Variants in PHACTR1 observed in about 807,000 individuals in gnomAD.
PHACTR1 encodes the protein RPEL repeat containing 1.
A neutral mutation model predicts 69.2 loss-of-function variants in PHACTR1; 16 were observed. That is an observed-to-expected ratio of 0.23 (90% CI 0.16 to 0.35). The LOEUF (loss-of-function observed/expected upper bound fraction) is 0.35. Ranked by LOEUF, PHACTR1 falls within the 10% of genes least tolerant of loss-of-function variation. The pLI, the probability that PHACTR1 is intolerant of heterozygous loss-of-function variation, is 1.00. For synonymous variants in PHACTR1, 312 were observed against 284.5 expected, an observed-to-expected ratio of 1.10 and a Z score of -0.97; for missense variants, 510 against 734.7, an observed-to-expected ratio of 0.69 and a Z score of 3.54.
At chr6:12,891,767 A>G (rs1784190105) in intron 4 of PHACTR1, among the ~76,000 whole-genome samples, 1 of 128,100 alleles carries the variant, frequency 7.8e-6, no homozygotes, top group Non-Finnish European at 1.8e-5. Context: ...TTTTACTAAC[A>G]GCCTTACAAG....
rs1554175601 is a variant in PHACTR1, at chr6:12,949,284, A to AAAAG, written c.251-104069_251-104066dup. Among the ~76,000 whole-genome samples the AAAAG allele has an allele frequency of 1.3e-3, 195 of 147,104 alleles. 1 individual carries two copies. The highest frequency in any genetic ancestry group is 3.9e-3 in the African/African-American group (146 of 37,400). On this transcript the variant is annotated intron_variant, in intron 4 of 14. Coordinates refer to ENST00000332995, the MANE Select transcript of PHACTR1 (RefSeq NM_030948.6). ...AACGTCATCTCAAAAAAAAAAAAAA[A>AAAAG]AAAGAAAGAAAGAAAAGGAAAAAAA...
Position 13,182,693 on chromosome 6 carries a change from C to T in PHACTR1, c.664+7C>T, listed in dbSNP as rs2113722556. 1 of 1,526,988 alleles carries T rather than the reference C, an allele frequency of 6.5e-7. No homozygotes were observed. 94.6% of individuals were successfully genotyped at this position (1,526,988 alleles called of 1,614,324 possible). A position where few individuals can be genotyped will look rare whatever the true frequency, so the allele number is the denominator to read the frequency against. ...GACATCATGGATGGGCCAGGTAATG[C>T]CCCGGCAGGATTGTAGAGCAGGTCC... On this transcript the variant is annotated splice_region_variant and intron_variant, in intron 7 of 14. Coordinates refer to ENST00000332995, the MANE Select transcript of PHACTR1 (RefSeq NM_030948.6).
chr6:12,812,684 C>T (rs984711632), intron 4 of PHACTR1, among the ~76,000 whole-genome samples: 22 of 152,200 alleles, frequency 1.4e-4, no homozygotes, highest in Non-Finnish European at 4.4e-5. Context: ...TTTCTCCATT[C>T]TCTGCTGATA....
At chr6:12,986,408 C>G (rs1796194147) in intron 4 of PHACTR1, among the ~76,000 whole-genome samples, 1 of 152,174 alleles carries the variant, frequency 6.6e-6, no homozygotes, top group Admixed American at 6.5e-5. Flanking sequence ...CATAAAAGAT[C>G]TGATGTGCTA....
intron 4 of PHACTR1, among the ~76,000 whole-genome samples, chr6:12,902,244 G>A (rs368083158): frequency 2.6e-5 from 4 of 152,126 alleles, no homozygotes; most frequent in Non-Finnish European, 5.9e-5. Flanking sequence ...CCAAAATGGC[G>A]AAACGCTGTC....
chr6:12,885,987 C>T (rs914596614), intron 4 of PHACTR1, among the ~76,000 whole-genome samples: 3 of 152,096 alleles, frequency 2.0e-5, no homozygotes, highest in South Asian at 2.1e-4. Flanking sequence ...CCCAGCTACT[C>T]GGGAGGCTGA....
Position 12,946,764 on chromosome 6 carries a change from T to C in PHACTR1, c.251-106601T>C, listed in dbSNP as rs186403192. ...GTCCAATATGGTAGAGGGCTCAGAGTCAAAAGAAGCATTACACATACAGTG... is the reference window on the plus strand; with the variant it reads ...GTCCAATATGGTAGAGGGCTCAGAGCCAAAAGAAGCATTACACATACAGTG... On this transcript the variant is annotated intron_variant, in intron 4 of 14. Transcript: ENST00000332995. Among the ~76,000 whole-genome samples, 20 of 150,152 alleles carry C rather than the reference T, an allele frequency of 1.3e-4. No homozygotes were observed. The East Asian group carries it at 3.7e-3, about 28-fold the overall frequency.
At chr6:13,143,511 G>C (rs1266961600) in intron 5 of PHACTR1, among the ~76,000 whole-genome samples, 3 of 152,190 alleles carry the variant, frequency 2.0e-5, no homozygotes, top group Non-Finnish European at 4.4e-5. Flanking sequence ...TTGGAACACA[G>C]ATACTGATTC....
chr6:13,184,608 T>C (rs1762594513), intron 7 of PHACTR1, among the ~76,000 whole-genome samples: 1 of 152,210 alleles, frequency 6.6e-6, no homozygotes, highest in South Asian at 2.1e-4. Context: ...TTCCTCTGCC[T>C]CCTCTCTCTG....
rs181562101 is a variant in PHACTR1 at position 12,896,463 on chromosome 6, C to A, written c.250+146673C>A. ...CAGCTTTCATTTTATGTTTATCAGACTTCTGAGCTATCCCGTCTGAACTGA... is the reference window on the plus strand; with the variant it reads ...CAGCTTTCATTTTATGTTTATCAGAATTCTGAGCTATCCCGTCTGAACTGA... On this transcript the variant is annotated intron_variant, in intron 4 of 14. Coordinates refer to ENST00000332995, the MANE Select transcript of PHACTR1 (RefSeq NM_030948.6). 5.3e-5 allele frequency among the ~76,000 whole-genome samples: 8 copies of A among 152,304 alleles called. No homozygotes were observed. The East Asian group carries it at 1.4e-3, about 26-fold the overall frequency.
intron 11 of PHACTR1, among the ~76,000 whole-genome samples, chr6:13,276,739 T>C (rs1349883834): frequency 6.6e-6 from 1 of 151,824 alleles, no homozygotes; most frequent in African/African-American, 2.4e-5. Context: ...GCCACTGCAC[T>C]CCAGCCTGGG....
chr6:12,847,227 T>C (rs1779374398), intron 4 of PHACTR1, among the ~76,000 whole-genome samples: 1 of 152,204 alleles, frequency 6.6e-6, no homozygotes, highest in Admixed American at 6.5e-5. Flanking sequence ...TATAATCACA[T>C]TCACAGATGT....
chr6:12,790,516 C>T (rs147538734), intron 4 of PHACTR1, among the ~76,000 whole-genome samples: 213 of 152,336 alleles, frequency 1.4e-3, no homozygotes, highest in African/African-American at 4.3e-3. Context: ...CTCTTGCTTT[C>T]GCATTGTTCA....
rs185937622 is a variant in PHACTR1, at chr6:12,875,824, G to A, written c.250+126034G>A. 2.0e-5 allele frequency among the ~76,000 whole-genome samples: 3 copies of A among 152,232 alleles called. No individual in the cohort carries two copies. In the East Asian group the frequency reaches 5.8e-4, roughly 29 times the overall value. On this transcript the variant is annotated intron_variant, in intron 4 of 14. Coordinates refer to ENST00000332995, the MANE Select transcript of PHACTR1 (RefSeq NM_030948.6). Reference sequence around the variant, plus strand: ...GACTGCAGAAACTAAATGTGACCATGTGACAACACATGCCTTCTGTGTTGC... The same window carrying A: ...GACTGCAGAAACTAAATGTGACCATATGACAACACATGCCTTCTGTGTTGC...
At chr6:12,919,981 A>G (rs146423624) in intron 4 of PHACTR1, among the ~76,000 whole-genome samples, 4 of 152,308 alleles carry the variant, frequency 2.6e-5, no homozygotes, top group African/African-American at 7.2e-5. Flanking sequence ...ACCTCAGTCT[A>G]TATTAGTTTT....
At chr6:12,840,647 A>G (rs1298848379) in intron 4 of PHACTR1, among the ~76,000 whole-genome samples, 1 of 152,204 alleles carries the variant, frequency 6.6e-6, no homozygotes, top group East Asian at 1.9e-4. Flanking sequence ...GTAAAATCCT[A>G]GATAGAAATG....
At chr6:13,187,239 T>G (rs1441421485) in intron 7 of PHACTR1, among the ~76,000 whole-genome samples, 4 of 152,210 alleles carry the variant, frequency 2.6e-5, no homozygotes, top group African/African-American at 9.7e-5. Flanking sequence ...ACCCCTGGTT[T>G]GATGAATGCA....
rs888752476 is a variant in PHACTR1, at chr6:13,054,118, C to A, written c.415+589C>A. 3.3e-5 allele frequency among the ~76,000 whole-genome samples: 5 copies of A among 152,332 alleles called. No individual in the cohort carries two copies. The East Asian group carries it at 5.8e-4, about 18-fold the overall frequency. ...TAAGAGCACAGATCCTGGAGCCACACTTCCTGGATTTGAATCCCAAATCTG... is the reference window on the plus strand; with the variant it reads ...TAAGAGCACAGATCCTGGAGCCACAATTCCTGGATTTGAATCCCAAATCTG... On this transcript the variant is annotated intron_variant, in intron 5 of 14. Coordinates refer to ENST00000332995, the MANE Select transcript of PHACTR1 (RefSeq NM_030948.6).
chr6:13,269,788 C>T (rs1223094346), intron 10 of PHACTR1, among the ~76,000 whole-genome samples: 2 of 152,054 alleles, frequency 1.3e-5, no homozygotes, highest in Non-Finnish European at 2.9e-5. Context: ...GAGCTGAGAT[C>T]GCACCACTGC....
Sources: gnomAD v4.1 joint callset for allele counts (sites outside exome capture counted in the v4.1 genomes callset) on GRCh38, gnomAD v4.1.1 for gene constraint, MANE v1.5 for transcripts, NCBI Gene and HGNC (gene_info 2026-07-23, HGNC 2026-07-21) for gene names.